The following PRKD3 variants were observed in gnomAD, a reference collection of about 807,000 sequenced individuals.
PRKD3 encodes protein kinase D3.
Under a neutral mutation model 99.2 loss-of-function variants are expected in PRKD3, and 47 were observed. The ratio of observed to expected loss-of-function variants is 0.47; its 90% confidence interval spans 0.38 to 0.60. The LOEUF (loss-of-function observed/expected upper bound fraction) is 0.60, where lower values mean the gene tolerates loss of function less well. Ranked by LOEUF, PRKD3 falls within the 20% of genes least tolerant of loss-of-function variation. The pLI is 0.00. For missense variants in PRKD3, 1,019 were observed against 1,088.4 expected, an observed-to-expected ratio of 0.94 and a Z score of 0.90; for synonymous variants, 392 against 355.4, an observed-to-expected ratio of 1.10 and a Z score of -1.16.
At chr2:37,304,143 C>A (rs1258373526) in intron 2 of PRKD3, among the ~76,000 whole-genome samples, 1 of 147,726 alleles carries the variant, frequency 6.8e-6, no homozygotes, top group Non-Finnish European at 1.5e-5. Context: ...AGAATATTCT[C>A]TTTTCATGTT....
chr2:37,257,666 CAAAAGAAAAAAAAAAA>C (rs149456330), intron 16 of PRKD3, among the ~76,000 whole-genome samples: 10,840 of 62,448 alleles, frequency 0.17, 1,438 homozygotes, highest in African/African-American at 0.39. Context: ...GACTCTGTCT[CAAAAGAAAAAAAAAAA>C]AAAAAAAAAA....
At chr2:37,307,738 G>C (rs1671225017) in intron 2 of PRKD3, among the ~76,000 whole-genome samples, 1 of 152,148 alleles carries the variant, frequency 6.6e-6, no homozygotes, top group Non-Finnish European at 1.5e-5. Context: ...AACAACAACA[G>C]TAAAAGAAAC....
chr2:37,293,378 C>G (rs1670536782), intron 2 of PRKD3, 107 bp from the exon 3 acceptor site: 1 of 1,098,752 alleles, frequency 9.1e-7, no homozygotes, highest in Admixed American at 2.7e-5. Flanking sequence ...TAACCTAACA[C>G]TATTTGCTAA....
chr2:37,297,946 AAGAAGTG>A, intron 2 of PRKD3, among the ~76,000 whole-genome samples: 1 of 152,296 alleles, frequency 6.6e-6, no homozygotes, highest in Middle Eastern at 3.4e-3. Context: ...CAGAGCACTT[AAGAAGTG>A]GAAAGGTTTG....
chr2:37,287,005 C>T (rs969833571), intron 5 of PRKD3, among the ~76,000 whole-genome samples: 15 of 151,666 alleles, frequency 9.9e-5, no homozygotes, highest in Non-Finnish European at 1.5e-4. Context: ...CCGAGGTGGG[C>T]GGATCACCTG....
intron 13 of PRKD3, 127 bp from the exon 14 acceptor site, chr2:37,267,663 C>T (rs1668939221): frequency 2.8e-6 from 2 of 716,294 alleles, no homozygotes; most frequent in Non-Finnish European, 4.7e-6. Context: ...TGTTCTTTCT[C>T]CACACTCCTT....
Position 37,322,867 on chromosome 2 carries a change from A to T in PRKD3, c.-656+1814T>A, listed in dbSNP as rs143698598. On this transcript the variant is annotated intron_variant, in intron 1 of 18. Transcript: ENST00000234179. ...TTATAAGCAGCATTATATCAAATTA[A>T]AACTTGTACTAGCAAAGAATTTCCT... Among the ~76,000 whole-genome samples, 7 of 152,300 alleles carry T rather than the reference A, an allele frequency of 4.6e-5. No individual in the cohort carries two copies. The East Asian group carries it at 1.3e-3, about 29-fold the overall frequency.
Position 37,303,508 on chromosome 2 carries a change from T to G in PRKD3, c.289-10237A>C, listed in dbSNP as rs113160607. Among the ~76,000 whole-genome samples the G allele has an allele frequency of 5.2e-3, 786 of 151,980 alleles. 10 individuals carry two copies. Among genetic ancestry groups the G allele is most frequent in the African/African-American group, 0.017 (719 of 41,450 alleles). On this transcript the variant is annotated intron_variant, in intron 2 of 18. Coordinates refer to ENST00000234179, the MANE Select transcript of PRKD3 (RefSeq NM_005813.6). ...CTGGGGGGTTTCAGGCACCACAACC[T>G]AAGTGCCGCTGTGGGGCCCTTAGGT...
intron 16 of PRKD3, among the ~76,000 whole-genome samples, chr2:37,257,440 C>T (rs1477869280): frequency 4.0e-5 from 6 of 151,766 alleles, no homozygotes; most frequent in African/African-American, 7.3e-5. Context: ...CCGAGGCGGG[C>T]GGATCACGAG....
chr2:37,316,013 C>A (rs111961402), intron 2 of PRKD3, among the ~76,000 whole-genome samples: 2 of 152,356 alleles, frequency 1.3e-5, no homozygotes, highest in South Asian at 2.1e-4. Context: ...GCGTGAGCCA[C>A]TACGCCCAGC....
chr2:37,252,162 C>CT lies in PRKD3; in HGVS notation c.*1014_*1015insA, dbSNP rs1667552397. The CT allele has an allele frequency of 6.6e-6, 1 of 152,132 alleles. No homozygotes were observed. Among genetic ancestry groups the CT allele is most frequent in the Non-Finnish European group, 1.5e-5 (1 of 68,036 alleles). The allele number at this position is 152,132 out of a possible 1,614,324, so 9.4% of individuals were successfully genotyped here. On this transcript the variant is annotated 3_prime_UTR_variant, in exon 19 of 19. Transcript: ENST00000234179. The stretch of plus-strand genomic sequence containing the variant: ...GACTTTAAAACACTCCAGATATCTG[C>CT]AAAGCCCAATAGGCTAGGGGAAGGA...
chr2:37,276,524 T>C (rs1431003779), intron 9 of PRKD3, among the ~76,000 whole-genome samples: 1 of 152,088 alleles, frequency 6.6e-6, no homozygotes, highest in Non-Finnish European at 1.5e-5. Context: ...TTCTTTTTCT[T>C]ATCAATTTGT....
At chr2:37,323,188 T>C (rs1671957831) in intron 1 of PRKD3, among the ~76,000 whole-genome samples, 1 of 150,760 alleles carries the variant, frequency 6.6e-6, no homozygotes, top group Non-Finnish European at 1.5e-5. Context: ...ACTGAAAGCT[T>C]AAAATTTTCT....
At chr2:37,323,250 A>G (rs1272999116) in intron 1 of PRKD3, among the ~76,000 whole-genome samples, 2 of 147,294 alleles carry the variant, frequency 1.4e-5, no homozygotes, top group African/African-American at 5.2e-5. Flanking sequence ...TTTAAGATAC[A>G]CATCAGTCAA....
intron 2 of PRKD3, among the ~76,000 whole-genome samples, chr2:37,314,880 C>G (rs748267515): frequency 6.6e-6 from 1 of 152,038 alleles, no homozygotes; most frequent in African/African-American, 2.4e-5. Context: ...GGATACAATG[C>G]TCTACAGGTC....
chr2:37,257,623 G>A (rs190577447), intron 16 of PRKD3, among the ~76,000 whole-genome samples: 33 of 130,754 alleles, frequency 2.5e-4, no homozygotes, highest in African/African-American at 8.7e-4. Flanking sequence ...TCGAGATTAC[G>A]CCGCTGCAAT....
chr2:37,315,640 T>A (rs572433802), intron 2 of PRKD3, among the ~76,000 whole-genome samples: 1 of 152,338 alleles, frequency 6.6e-6, no homozygotes, highest in Non-Finnish European at 1.5e-5. Flanking sequence ...AGATTTCTTA[T>A]GCTGCCTTGA....
rs543668488 is a variant in PRKD3 at position 37,300,316 on chromosome 2, T to A, written c.289-7045A>T. Among the ~76,000 whole-genome samples, 54 of 149,932 alleles carry A rather than the reference T, an allele frequency of 3.6e-4. No individual in the cohort carries two copies. In the East Asian group the frequency reaches 4.3e-3, roughly 12 times the overall value. On this transcript the variant is annotated intron_variant, in intron 2 of 18. Coordinates refer to ENST00000234179, the MANE Select transcript of PRKD3 (RefSeq NM_005813.6). ...TGTTCTCACTTGTATGTGAAAAATTTAAAAAAAAAATGACCTCATGGAGAT... is the reference window on the plus strand; with the variant it reads ...TGTTCTCACTTGTATGTGAAAAATTAAAAAAAAAAATGACCTCATGGAGAT...
rs1667580544 is a variant in PRKD3 at position 37,252,569 on chromosome 2, G to A, written c.*608C>T. On this transcript the variant is annotated 3_prime_UTR_variant, in exon 19 of 19. Transcript: ENST00000234179. ...CAAAAAGGTTAGGAATCACTATTTT[G>A]GAGTCTTGATTGACCTAAAAAAGAA... The A allele has an allele frequency of 6.6e-6, 1 of 152,050 alleles. No homozygotes were observed. The highest frequency in any genetic ancestry group is 2.4e-5 in the African/African-American group (1 of 41,402). The allele number at this position is 152,050 out of a possible 1,614,324, so 9.4% of individuals were successfully genotyped here.
Sources: allele counts gnomAD v4.1 joint callset (sites outside exome capture counted in the v4.1 genomes callset), GRCh38; gene constraint gnomAD v4.1.1; transcripts MANE v1.5; gene names NCBI Gene and HGNC (gene_info 2026-07-23, HGNC 2026-07-21).